Variants in SRRM4 observed in about 807,000 individuals in gnomAD.
The protein encoded by SRRM4 is serine/arginine repetitive matrix protein 4.
SRRM4 carries 33 observed loss-of-function variants against 68.9 expected under a neutral mutation model. The ratio of observed to expected loss-of-function variants is 0.48; its 90% CI spans 0.36 to 0.64. The LOEUF is 0.64. Among genes scored for constraint, SRRM4 ranks in the 30% least tolerant of loss-of-function variants. SRRM4 has a pLI of 0.00. For synonymous variants in SRRM4, 318 were observed against 318.8 expected, an observed-to-expected ratio of 1.00 and a Z score of 0.03; for missense variants, 817 against 827.1, an observed-to-expected ratio of 0.99 and a Z score of 0.15.
chr12:119,107,024 G>T (rs1013286619), intron 2 of SRRM4, among the ~76,000 whole-genome samples: 2 of 152,140 alleles, frequency 1.3e-5, no homozygotes, highest in South Asian at 2.1e-4. Context: ...CATGAAGGGT[G>T]GTTGAATTTT....
intron 1 of SRRM4, among the ~76,000 whole-genome samples, chr12:119,074,358 AG>A (rs1446233400): frequency 1.3e-5 from 2 of 152,174 alleles, no homozygotes; most frequent in Non-Finnish European, 2.9e-5. Flanking sequence ...AGACTCTGAG[AG>A]GTTAAACGGG....
chr12:119,131,418 C>T (rs905941374), intron 8 of SRRM4, among the ~76,000 whole-genome samples: 1 of 152,182 alleles, frequency 6.6e-6, no homozygotes, highest in African/African-American at 2.4e-5. Context: ...TCACTAGTCC[C>T]TTCTACAGAT....
At position 119,114,326 on chromosome 12, in the gene SRRM4, G is replaced by C; in HGVS notation, c.327G>C (p.Lys109Asn). The change falls in exon 3 of 13, where the codon AAG becomes AAC. Residue 109 changes from lysine to asparagine, a missense_variant. Lys to Asn is a moderately conservative substitution (Grantham distance 94). Transcript: ENST00000267260. Reference protein sequence around the residue: ...DLTPPPSSRGKKKKKKSTRKK... With the variant: ...DLTPPPSSRGNKKKKKSTRKK... The stretch of plus-strand genomic sequence containing the variant: ...CACCACCACCTTCCTCCAGGGGAAA[G>C]AAGAAAAAGAAGAAATCCACTCGGA... The C allele has an allele frequency of 6.2e-7, 1 of 1,611,078 alleles. No individual in the cohort carries two copies. The highest frequency in any genetic ancestry group is 8.5e-7 in the Non-Finnish European group (1 of 1,178,704).
chr12:119,018,556 A>T lies in SRRM4; in HGVS notation c.131+36543A>T, dbSNP rs115378387. On this transcript the variant is annotated intron_variant, in intron 1 of 12. Transcript: ENST00000267260. ...TGGTTTCTTTAACTCTTTGGGTCAC[A>T]GTTTCAGTGTTAGGATGTAGTATGA... Among the ~76,000 whole-genome samples, 467 of 152,292 alleles carry T rather than the reference A, an allele frequency of 3.1e-3. 3 individuals carry two copies. The highest frequency in any genetic ancestry group is 0.01 in the African/African-American group (418 of 41,562).
rs1180115974 is a variant in SRRM4, at chr12:119,020,632, A to C, written c.131+38619A>C. 2.0e-5 allele frequency among the ~76,000 whole-genome samples: 3 copies of C among 152,210 alleles called. No individual in the cohort carries two copies. The South Asian group carries it at 6.2e-4, about 31-fold the overall frequency. ...TGGTGGCGTTGAAAAGGTGTAGCTC[A>C]GAGCCAGCAGGCTGTCCTGAAGAGG... is the stretch of plus-strand genomic sequence containing the variant. On this transcript the variant is annotated intron_variant, in intron 1 of 12. Coordinates refer to ENST00000267260, the MANE Select transcript of SRRM4 (RefSeq NM_194286.4).
intron 8 of SRRM4, among the ~76,000 whole-genome samples, chr12:119,134,396 A>G (rs569130884): frequency 1.9e-4 from 29 of 151,832 alleles, no homozygotes; most frequent in Admixed American, 2.6e-4. Context: ...AAAAAAAAAA[A>G]AAGAAGAAAA....
rs1163575578 is a variant in SRRM4 at position 119,154,398 on chromosome 12, C to T, written c.1532+15C>T. On this transcript the variant is annotated intron_variant, in intron 12 of 12. Transcript: ENST00000267260. The surrounding 1 kb of genome is among the most constrained non-coding windows in gnomAD (Gnocchi z 4.7). ...AGGATAACCAGGTGAGGCCAGGGGGCAAGGGGGACCCACCTTCATCCTCGT... is the reference window on the plus strand; with the variant it reads ...AGGATAACCAGGTGAGGCCAGGGGGTAAGGGGGACCCACCTTCATCCTCGT... 4 of 1,611,064 alleles carry T rather than the reference C, an allele frequency of 2.5e-6. No homozygotes were observed. Among genetic ancestry groups the T allele is most frequent in the Admixed American group, 3.3e-5 (2 of 59,872 alleles).
intron 10 of SRRM4, among the ~76,000 whole-genome samples, chr12:119,152,255 G>C (rs960235877): frequency 6.6e-6 from 1 of 152,072 alleles, no homozygotes; most frequent in Admixed American, 6.6e-5. Context: ...CTCAAGACTG[G>C]TCCATTCCAA....
chr12:119,086,086 T>C (rs1953978152), intron 1 of SRRM4, among the ~76,000 whole-genome samples: 1 of 152,114 alleles, frequency 6.6e-6, no homozygotes, highest in Non-Finnish European at 1.5e-5. Flanking sequence ...ATCCTTTTTG[T>C]TCCCCAAAGC....
chr12:119,034,949 CGGT>C (rs1953617277), intron 1 of SRRM4, among the ~76,000 whole-genome samples: 1 of 152,134 alleles, frequency 6.6e-6, no homozygotes, highest in African/African-American at 2.4e-5. Flanking sequence ...TTTACAATTA[CGGT>C]CATAACCAAT....
rs111510345 is a variant in SRRM4, at chr12:119,015,749, C to G, written c.131+33736C>G. 2.9e-3 allele frequency among the ~76,000 whole-genome samples: 442 copies of G among 152,150 alleles called. 1 individual carries two copies. Among genetic ancestry groups the G allele is most frequent in the Admixed American group, 5.8e-3 (89 of 15,292 alleles). On this transcript the variant is annotated intron_variant, in intron 1 of 12. Transcript: ENST00000267260. ...TATAACAAACAATACGCAAATTCCT[C>G]AGACACACTATCCTCATCCCAGGCT...
intron 1 of SRRM4, among the ~76,000 whole-genome samples, chr12:119,021,733 T>C (rs1953517097): frequency 6.6e-6 from 1 of 152,216 alleles, no homozygotes; most frequent in South Asian, 2.1e-4. Context: ...TCCAACTTCA[T>C]CCATGTCTCT....
intron 1 of SRRM4, among the ~76,000 whole-genome samples, chr12:119,018,139 T>C (rs1208213200): frequency 1.3e-5 from 2 of 152,194 alleles, no homozygotes; most frequent in Non-Finnish European, 2.9e-5. Context: ...AGAAAAGCTT[T>C]ACATTGAAAG....
chr12:119,096,336 C>T (rs961014091), intron 1 of SRRM4, among the ~76,000 whole-genome samples: 4 of 151,944 alleles, frequency 2.6e-5, no homozygotes, highest in African/African-American at 7.3e-5. Context: ...CCCGGCCTCT[C>T]AGTTGATTCT....
chr12:119,076,112 A>C (rs1226292333), intron 1 of SRRM4, among the ~76,000 whole-genome samples: 1 of 151,922 alleles, frequency 6.6e-6, no homozygotes, highest in African/African-American at 2.4e-5. Flanking sequence ...AATGGTGATG[A>C]GGATAGTGAC....
intron 8 of SRRM4, among the ~76,000 whole-genome samples, chr12:119,138,970 A>C (rs921611023): frequency 1.3e-5 from 2 of 152,194 alleles, no homozygotes; most frequent in Non-Finnish European, 2.9e-5. Context: ...GGGTACCTGG[A>C]GGGCATTATT....
chr12:119,131,756 C>T (rs745392573), intron 8 of SRRM4, among the ~76,000 whole-genome samples: 7 of 152,250 alleles, frequency 4.6e-5, no homozygotes, highest in African/African-American at 9.6e-5. Flanking sequence ...AGATAAAGTA[C>T]GTGAAGGCCT....
chr12:119,145,695 C>A lies in SRRM4; in HGVS notation c.1076+10C>A. On this transcript the variant is annotated intron_variant, in intron 9 of 12. Transcript: ENST00000267260. The stretch of plus-strand genomic sequence containing the variant: ...GGGGCAGAGAGTCAAGGTCAGTGCA[C>A]CACACAGGGTCGGGGGTAGACGGTC... The A allele has an allele frequency of 6.6e-7, 1 of 1,507,176 alleles. No individual in the cohort carries two copies. 93.4% of individuals were successfully genotyped at this position (1,507,176 alleles called of 1,614,324 possible). A position where few individuals can be genotyped will look rare whatever the true frequency, so the allele number is the denominator to read the frequency against.
chr12:118,999,579 A>C (rs1369424312), intron 1 of SRRM4, among the ~76,000 whole-genome samples: 1 of 152,242 alleles, frequency 6.6e-6, no homozygotes, highest in Non-Finnish European at 1.5e-5. Flanking sequence ...CATAAATGAA[A>C]CAACTAAAAC....
Sources: allele counts gnomAD v4.1 joint callset (sites outside exome capture counted in the v4.1 genomes callset), GRCh38; gene constraint gnomAD v4.1.1; non-coding constraint Gnocchi (gnomAD v3.1); transcripts MANE v1.5; gene names NCBI Gene and HGNC (gene_info 2026-07-23, HGNC 2026-07-21).